Variants in PREP observed in about 807,000 individuals in gnomAD.
PREP encodes the protein dJ355L5.1 (prolyl endopeptidase).
In PREP, 29 loss-of-function variants were observed where a neutral mutation model predicts 87.6. The ratio of observed to expected loss-of-function variants is 0.33; its 90% CI spans 0.25 to 0.45. The LOEUF is 0.45. Ranked by LOEUF, PREP falls within the 20% of genes least tolerant of loss-of-function variation. The pLI is 1.00. For synonymous variants in PREP, 337 were observed against 328.6 expected (o/e 1.03, Z -0.28); for missense variants, 695 against 886.5 (o/e 0.78, Z 2.74).
At chr6:105,308,947 A>C (rs1292689331) in intron 10 of PREP, among the ~76,000 whole-genome samples, 1 of 151,002 alleles carries the variant, frequency 6.6e-6, no homozygotes, top group East Asian at 1.9e-4. Flanking sequence ...TCTCTGATCC[A>C]TGCAGAGTAA....
intron 11 of PREP, 116 bp downstream of exon 11, chr6:105,288,642 C>G: frequency 1.5e-6 from 2 of 1,327,894 alleles, no homozygotes; most frequent in Non-Finnish European, 2.0e-6. Flanking sequence ...TAGGTGTGAA[C>G]CCCCACGCCT....
chr6:105,397,208 C>T (rs998642428), intron 2 of PREP, among the ~76,000 whole-genome samples: 6 of 120,858 alleles, frequency 5.0e-5, no homozygotes, highest in Admixed American at 1.5e-4. Context: ...AAAAAGTATA[C>T]ATAAGTGACA....
chr6:105,353,832 T>G (rs965292752), intron 6 of PREP, among the ~76,000 whole-genome samples: 3 of 151,704 alleles, frequency 2.0e-5, no homozygotes, highest in African/African-American at 4.8e-5. Context: ...TTCACTATGG[T>G]TCACACTGGT....
chr6:105,362,263 C>A (rs909385871), intron 6 of PREP, among the ~76,000 whole-genome samples: 1 of 152,136 alleles, frequency 6.6e-6, no homozygotes, highest in African/African-American at 2.4e-5. Flanking sequence ...GAGTTCAGGA[C>A]CAGCCTGGCC....
chr6:105,328,713 C>A, intron 9 of PREP, 116 bp downstream of exon 9: 1 of 1,134,730 alleles, frequency 8.8e-7, no homozygotes. Context: ...GTAATTTTGG[C>A]TATAATACAG....
chr6:105,340,290 C>G (rs1023359405), intron 7 of PREP, among the ~76,000 whole-genome samples: 2 of 152,116 alleles, frequency 1.3e-5, no homozygotes, highest in Non-Finnish European at 2.9e-5. Context: ...TGCAGCCAAA[C>G]TAAGCTTCAT....
At position 105,274,261 on chromosome 6, in the gene PREP, C is replaced by T. The variant is rs181538223; in HGVS notation, c.*3883G>A. On this transcript the variant is annotated 3_prime_UTR_variant, in exon 15 of 15. Transcript: ENST00000652536. The stretch of plus-strand genomic sequence containing the variant: ...TTGCTTCCTGGTTCATAGGTGACAC[C>T]GTCTCCTGTGTCCTCACATGGTGGA... Among the ~76,000 whole-genome samples, 36 of 150,464 alleles carry T rather than the reference C, an allele frequency of 2.4e-4. No homozygotes were observed. In the East Asian group the frequency reaches 5.0e-3, roughly 21 times the overall value.
intron 5 of PREP, among the ~76,000 whole-genome samples, chr6:105,372,205 G>C (rs902354416): frequency 6.6e-6 from 1 of 151,450 alleles, no homozygotes; most frequent in African/African-American, 2.4e-5. Context: ...TTCAATTGTG[G>C]GGGAAAAAAA....
chr6:105,316,778 T>A (rs1313010063), intron 10 of PREP, among the ~76,000 whole-genome samples: 1 of 152,148 alleles, frequency 6.6e-6, no homozygotes, highest in Non-Finnish European at 1.5e-5. Flanking sequence ...TAAATCATAT[T>A]TACAAATCAT....
chr6:105,373,166 T>C (rs987818241), intron 5 of PREP, among the ~76,000 whole-genome samples: 2 of 152,228 alleles, frequency 1.3e-5, no homozygotes, highest in Non-Finnish European at 2.9e-5. Context: ...CATAGGCTCA[T>C]AGCAAAAACA....
intron 1 of PREP, among the ~76,000 whole-genome samples, chr6:105,399,576 T>C (rs1249092667): frequency 6.6e-6 from 1 of 152,182 alleles, no homozygotes; most frequent in Admixed American, 6.5e-5. Context: ...CTTCATAAAG[T>C]TACCAATTTT....
intron 7 of PREP, among the ~76,000 whole-genome samples, chr6:105,339,666 GAATA>G (rs1467091040): frequency 6.6e-6 from 1 of 152,128 alleles, no homozygotes; most frequent in Non-Finnish European, 1.5e-5. Context: ...GGGCTAACCA[GAATA>G]AACAGTGTAG....
chr6:105,338,241 T>G (rs1771529956), intron 7 of PREP, among the ~76,000 whole-genome samples: 1 of 152,206 alleles, frequency 6.6e-6, no homozygotes, highest in South Asian at 2.1e-4. Flanking sequence ...AATAACCACC[T>G]TATGGTTTCT....
chr6:105,308,835 C>T (rs181137537), intron 10 of PREP, among the ~76,000 whole-genome samples: 50 of 152,204 alleles, frequency 3.3e-4, no homozygotes, highest in Middle Eastern at 3.4e-3. Context: ...CAGACAGACA[C>T]ATGAATGAAA....
chr6:105,297,811 G>C (rs1240735468), intron 10 of PREP, among the ~76,000 whole-genome samples: 1 of 152,046 alleles, frequency 6.6e-6, no homozygotes, highest in Non-Finnish European at 1.5e-5. Flanking sequence ...AGTTCAACAA[G>C]GAGCCTGGAC....
intron 2 of PREP, among the ~76,000 whole-genome samples, chr6:105,392,679 C>T (rs767369584): frequency 2.0e-5 from 3 of 152,116 alleles, no homozygotes; most frequent in Non-Finnish European, 4.4e-5. Flanking sequence ...TGGGTTCAAG[C>T]GATTCTCCTG....
intron 2 of PREP, among the ~76,000 whole-genome samples, chr6:105,387,811 C>T (rs940754251): frequency 7.9e-5 from 12 of 152,158 alleles, no homozygotes; most frequent in Admixed American, 3.9e-4. Context: ...CTTTCTGCTC[C>T]AATCTCTAGC....
intron 6 of PREP, among the ~76,000 whole-genome samples, chr6:105,362,908 C>G (rs999901538): frequency 6.6e-6 from 1 of 152,212 alleles, no homozygotes; most frequent in Non-Finnish European, 1.5e-5. Context: ...CTGGACTTTT[C>G]TGTGTCTGTT....
chr6:105,385,133 G>A (rs1772954257), intron 2 of PREP, among the ~76,000 whole-genome samples: 1 of 152,086 alleles, frequency 6.6e-6, no homozygotes, highest in Non-Finnish European at 1.5e-5. Context: ...GGCTGGGGAT[G>A]ACTGAGCAAG....
Sources: allele counts gnomAD v4.1 joint callset (sites outside exome capture counted in the v4.1 genomes callset), GRCh38; gene constraint gnomAD v4.1.1; transcripts MANE v1.5; gene names NCBI Gene and HGNC (gene_info 2026-07-23, HGNC 2026-07-21).